Variants in DPP10 observed in about 807,000 individuals in gnomAD.
DPP10 encodes the protein dipeptidyl peptidase like 10, also known as inactive dipeptidyl peptidase 10.
DPP10 carries 33 observed loss-of-function variants against 120.9 expected under a neutral mutation model. That is an observed-to-expected ratio of 0.27 (90% CI 0.21 to 0.37). DPP10 has a LOEUF of 0.37. DPP10 is among the 10% of genes least tolerant of loss of function. DPP10 has a pLI of 1.00. For synonymous variants in DPP10, 337 were observed against 326.1 expected (o/e 1.03, Z -0.36); for missense variants, 816 against 942.8 (o/e 0.87, Z 1.76).
chr2:114,598,654 TAAAATG>T (rs1692120068), intron 1 of DPP10, among the ~76,000 whole-genome samples: 1 of 151,800 alleles, frequency 6.6e-6, no homozygotes, highest in African/African-American at 2.4e-5. Flanking sequence ...CCAATAGTGT[TAAAATG>T]AAAACAAGAG....
At chr2:115,535,422 C>T (rs1057506653) in intron 5 of DPP10, among the ~76,000 whole-genome samples, 5 of 152,124 alleles carry the variant, frequency 3.3e-5, no homozygotes, top group Admixed American at 6.6e-5. Context: ...CAGATAGTTG[C>T]AGATATGTGG....
chr2:115,603,560 G>GTTTTTTTTTTTTTTTTTTTTTTTT, intron 5 of DPP10, among the ~76,000 whole-genome samples: 1 of 126,428 alleles, frequency 7.9e-6, no homozygotes, highest in Non-Finnish European at 1.6e-5. Flanking sequence ...CGTTGTTGTT[G>GTTTTTTTTTTTTTTTTTTTTTTTT]TTTTTTTTTG....
At chr2:115,051,112 A>G (rs1705447007) in intron 1 of DPP10, among the ~76,000 whole-genome samples, 1 of 152,186 alleles carries the variant, frequency 6.6e-6, no homozygotes, top group African/African-American at 2.4e-5. Flanking sequence ...GCCAACAAAC[A>G]AGAAGGTATA....
At chr2:115,540,253 G>C (rs149738384) in intron 5 of DPP10, among the ~76,000 whole-genome samples, 57 of 151,978 alleles carry the variant, frequency 3.8e-4, no homozygotes, top group Admixed American at 1.6e-3. Context: ...ATTGCATTAT[G>C]ATGCTTAATT....
chr2:115,666,134 A>T (rs2089436106), intron 5 of DPP10, among the ~76,000 whole-genome samples: 1 of 152,170 alleles, frequency 6.6e-6, no homozygotes, highest in African/African-American at 2.4e-5. Context: ...AAGTGAGAAC[A>T]TCCAGTATTT....
At chr2:114,988,837 G>A (rs960261448) in intron 1 of DPP10, among the ~76,000 whole-genome samples, 2 of 152,022 alleles carry the variant, frequency 1.3e-5, no homozygotes, top group African/African-American at 4.8e-5. Context: ...TGCTAAACGG[G>A]TGAAATCACT....
At chr2:114,752,469 C>G (rs1574105911) in intron 1 of DPP10, among the ~76,000 whole-genome samples, 1 of 152,170 alleles carries the variant, frequency 6.6e-6, no homozygotes, top group Non-Finnish European at 1.5e-5. Flanking sequence ...AGACAGGCTG[C>G]TTTACATCAT....
intron 1 of DPP10, among the ~76,000 whole-genome samples, chr2:115,222,333 A>T (rs996315105): frequency 1.3e-5 from 2 of 152,208 alleles, no homozygotes; most frequent in African/African-American, 4.8e-5. Context: ...TTGAATCATA[A>T]TTGATATGAT....
At chr2:115,307,433 A>G (rs1204914910) in intron 1 of DPP10, among the ~76,000 whole-genome samples, 1 of 152,074 alleles carries the variant, frequency 6.6e-6, no homozygotes, top group African/African-American at 2.4e-5. Flanking sequence ...CTACATTTCT[A>G]TTCTTTTTCC....
intron 1 of DPP10, among the ~76,000 whole-genome samples, chr2:114,645,218 G>A (rs906466953): frequency 6.6e-6 from 1 of 152,028 alleles, no homozygotes; most frequent in Non-Finnish European, 1.5e-5. Context: ...TGGCTAAAAG[G>A]CCTCTTAAAA....
intron 10 of DPP10, among the ~76,000 whole-genome samples, chr2:115,746,421 T>G (rs866397423): frequency 5.3e-5 from 8 of 152,160 alleles, no homozygotes; most frequent in African/African-American, 9.7e-5. Context: ...ATACTGAGAA[T>G]TAGGTCTTTT....
At chr2:115,099,771 G>T (rs945740080) in intron 1 of DPP10, among the ~76,000 whole-genome samples, 2 of 152,078 alleles carry the variant, frequency 1.3e-5, no homozygotes, top group African/African-American at 2.4e-5. Flanking sequence ...TTCCAAGATG[G>T]TGTCTCTGTT....
intron 2 of DPP10, among the ~76,000 whole-genome samples, chr2:115,319,304 C>T (rs1324366547): frequency 6.6e-6 from 1 of 151,992 alleles, no homozygotes; most frequent in African/African-American, 2.4e-5. Flanking sequence ...TCTAATATAC[C>T]TGAAGGATTT....
In DPP10 at chr2:115,573,766, G is replaced by T. The variant is rs527565830; in HGVS notation, c.441+47794G>T. 1.3e-3 allele frequency among the ~76,000 whole-genome samples: 202 copies of T among 152,012 alleles called. 1 individual carries two copies. Among genetic ancestry groups the T allele is most frequent in the Middle Eastern group, 6.8e-3 (2 of 294 alleles). ...AGACGGGGTTTGGCCGTGTTGGCAG[G>T]CTGTTCTTGAACTCCTGTCCTCAAC... On this transcript the variant is annotated intron_variant, in intron 5 of 25. Coordinates refer to ENST00000410059, the MANE Select transcript of DPP10 (RefSeq NM_020868.6).
chr2:114,532,290 T>TACAC (rs1317517230), intron 1 of DPP10, among the ~76,000 whole-genome samples: 8 of 56,726 alleles, frequency 1.4e-4, no homozygotes, highest in Admixed American at 3.3e-4. Context: ...TATATATATA[T>TACAC]ATATATACAC....
intron 4 of DPP10, among the ~76,000 whole-genome samples, chr2:115,509,568 T>C (rs1407070794): frequency 6.6e-6 from 1 of 152,000 alleles, no homozygotes; most frequent in Non-Finnish European, 1.5e-5. Context: ...AAATGAACCT[T>C]TAAGTTAAAA....
intron 1 of DPP10, among the ~76,000 whole-genome samples, chr2:114,666,937 G>A (rs1476407127): frequency 6.6e-6 from 1 of 152,068 alleles, no homozygotes; most frequent in Non-Finnish European, 1.5e-5. Flanking sequence ...CTATTTTCAA[G>A]CATTCTCTTG....
intron 5 of DPP10, among the ~76,000 whole-genome samples, chr2:115,643,959 TG>T (rs1470659443): frequency 1.3e-5 from 2 of 152,178 alleles, no homozygotes; most frequent in African/African-American, 4.8e-5. Flanking sequence ...TTATCTTTGT[TG>T]GTACTTTCCT....
chr2:114,591,475 G>T (rs1051706110), intron 1 of DPP10, among the ~76,000 whole-genome samples: 1 of 151,678 alleles, frequency 6.6e-6, no homozygotes, highest in Admixed American at 6.6e-5. Flanking sequence ...ATTAGCAAAG[G>T]TCAAATCCCA....
Sources: gnomAD v4.1 joint callset for allele counts (sites outside exome capture counted in the v4.1 genomes callset) on GRCh38, gnomAD v4.1.1 for gene constraint, MANE v1.5 for transcripts, NCBI Gene and HGNC (gene_info 2026-07-23, HGNC 2026-07-21) for gene names.